HLA-DOA: variants seen among roughly 807,000 people sequenced by gnomAD.
HLA-DOA encodes the protein HLA class II histocompatibility antigen, DO alpha chain.
HLA-DOA carries 27 observed loss-of-function variants against 22.9 expected under a neutral mutation model. That is an observed-to-expected ratio of 1.18 (90% CI 0.87 to 1.62). HLA-DOA has a LOEUF of 1.62. HLA-DOA is among the 40% of genes most tolerant of loss of function. The pLI is 0.00. For synonymous variants in HLA-DOA, 137 were observed against 138.6 expected (o/e 0.99, Z 0.08); for missense variants, 324 against 332.4 (o/e 0.97, Z 0.20).
chr6:33,004,929 T>C lies in HLA-DOA; in HGVS notation c.*1909A>G, dbSNP rs919919455. On this transcript the variant is annotated 3_prime_UTR_variant, in exon 5 of 5. Transcript: ENST00000229829. ...AACTTATTCTCTCTTAAGAAGCCCA[T>C]TGAGTCCCCATAATCTCTTGGTTTC... 1.3e-5 allele frequency: 2 copies of C among 152,252 alleles called. No homozygotes were observed. The highest frequency in any genetic ancestry group is 2.1e-4 in the South Asian group (1 of 4,832). The allele number at this position is 152,252 out of a possible 1,614,324, so 9.4% of individuals were successfully genotyped here.
At chr6:33,008,696 G>A (rs1218892984) in intron 1 of HLA-DOA, among the ~76,000 whole-genome samples, 1 of 152,112 alleles carries the variant, frequency 6.6e-6, no homozygotes, top group Non-Finnish European at 1.5e-5. Flanking sequence ...GGTGTGAGGG[G>A]AAACAGGCCA....
Position 33,006,460 on chromosome 6 carries a change from G to A in HLA-DOA, c.*378C>T, listed in dbSNP as rs1780811138. The A allele has an allele frequency of 1.5e-5, 6 of 402,190 alleles. No homozygotes were observed. The highest frequency in any genetic ancestry group is 8.3e-5 in the East Asian group (2 of 24,072). The allele number at this position is 402,190 out of a possible 1,614,324, so 24.9% of individuals were successfully genotyped here. ...CAAAGTAACACACAATGGGCCAAATGGAGCAAGACACACCTGTGTGGGCCC... is the reference window on the plus strand; with the variant it reads ...CAAAGTAACACACAATGGGCCAAATAGAGCAAGACACACCTGTGTGGGCCC... On this transcript the variant is annotated 3_prime_UTR_variant, in exon 5 of 5. Transcript: ENST00000229829.
chr6:33,005,281 C>G lies in HLA-DOA; in HGVS notation c.*1557G>C, dbSNP rs1780764787. The G allele has an allele frequency of 6.6e-6, 1 of 152,320 alleles. No individual in the cohort carries two copies. Among genetic ancestry groups the G allele is most frequent in the Non-Finnish European group, 1.5e-5 (1 of 68,152 alleles). 9.4% of individuals were successfully genotyped at this position (152,320 alleles called of 1,614,324 possible). Reference sequence around the variant, plus strand: ...AGGGAAGGTGGGTGGATCACGAGGTCAAGAGATGGAGGCCATCCTGGCCAA... The same window carrying G: ...AGGGAAGGTGGGTGGATCACGAGGTGAAGAGATGGAGGCCATCCTGGCCAA... On this transcript the variant is annotated 3_prime_UTR_variant, in exon 5 of 5. Transcript: ENST00000229829.
chr6:33,007,462 GAC>G lies in HLA-DOA; in HGVS notation c.460_461del (p.Val154HisfsTer2), dbSNP rs754491019. ...AGCTGGTCTGGGCCACTCCCTCAGTGACAGTTTGGCCGTTGCGCAGCCAGGTG... is the reference window on the plus strand; with the variant it reads ...AGCTGGTCTGGGCCACTCCCTCAGTGAGTTTGGCCGTTGCGCAGCCAGGTG... ...NITWLRNGQT[V>X]TEGVAQTSFY... On this transcript the variant is annotated frameshift_variant, in exon 3 of 5. Transcript: ENST00000229829. LOFTEE classifies it high-confidence loss of function. 1 of 1,612,032 alleles carries G rather than the reference GAC, an allele frequency of 6.2e-7. No individual in the cohort carries two copies. Among genetic ancestry groups the G allele is most frequent in the South Asian group, 1.1e-5 (1 of 90,868 alleles).
In HLA-DOA at chr6:33,008,083, G is replaced by C. The variant is rs762411367; in HGVS notation, c.261C>G (p.Ala87=). The C allele has an allele frequency of 1.9e-6, 3 of 1,613,056 alleles. No individual in the cohort carries two copies. The change falls in exon 2 of 5, where the codon GCC becomes GCG. Residue 87 remains alanine, a synonymous_variant. Transcript: ENST00000229829. Reference sequence around the variant, plus strand: ...GATGGGCTTTGATTGCGGCGATGCCGGCCAGCCCGCCCTGCGGGTCAAAGC... The same window carrying C: ...GATGGGCTTTGATTGCGGCGATGCCCGCCAGCCCGCCCTGCGGGTCAAAGC... ...FARFDPQGGL[A]GIAAIKAHLD...
In HLA-DOA at chr6:33,007,136, GC is replaced by G. The variant is rs1351647296; in HGVS notation, c.692del (p.Gly231AlafsTer50). ...TGATGAGGACGGTGCCCACGAGGAA[GC>G]CCACCAGGCCGATGGCCAGGCCCAG... The part of the protein sequence containing the change: ...CALGLAIGLV[G>X]FLVGTVLIIM... On this transcript the variant is annotated frameshift_variant, in exon 4 of 5. Coordinates refer to ENST00000229829, the MANE Select transcript of HLA-DOA (RefSeq NM_002119.4). LOFTEE classifies it high-confidence loss of function. 2 of 1,613,806 alleles carry G rather than the reference GC, an allele frequency of 1.2e-6. No homozygotes were observed. Among genetic ancestry groups the G allele is most frequent in the African/African-American group, 2.7e-5 (2 of 74,944 alleles).
Position 33,006,824 on chromosome 6 carries a change from T to C in HLA-DOA, c.*14A>G, listed in dbSNP as rs1268714790. The C allele has an allele frequency of 5.0e-6, 8 of 1,612,646 alleles. No individual in the cohort carries two copies. Among genetic ancestry groups the C allele is most frequent in the Non-Finnish European group, 5.9e-6 (7 of 1,179,766 alleles). ...CAGGGTGTCTCCCACAAGTCATTTC[T>C]CTCAGAAGGATCATTACCTAAAATA... On this transcript the variant is annotated 3_prime_UTR_variant, in exon 5 of 5. Transcript: ENST00000229829.
chr6:33,007,291 A>C lies in HLA-DOA; in HGVS notation c.613+20T>G, dbSNP rs202002238. 7 of 1,613,118 alleles carry C rather than the reference A, an allele frequency of 4.3e-6. No homozygotes were observed. Among genetic ancestry groups the C allele is most frequent in the Non-Finnish European group, 5.1e-6 (6 of 1,179,994 alleles). On this transcript the variant is annotated intron_variant, in intron 3 of 4. Coordinates refer to ENST00000229829, the MANE Select transcript of HLA-DOA (RefSeq NM_002119.4). Reference sequence around the variant, plus strand: ...AGGAAACCTGGGGCCAGGAGGGTGCATGGGGAGGGGGCTCCGTACCCCAAT... The same window carrying C: ...AGGAAACCTGGGGCCAGGAGGGTGCCTGGGGAGGGGGCTCCGTACCCCAAT...
rs766359854 is a variant in HLA-DOA at position 33,007,541 on chromosome 6, G to A, written c.383C>T (p.Pro128Leu). 1 of 1,612,972 alleles carries A rather than the reference G, an allele frequency of 6.2e-7. No individual in the cohort carries two copies. The highest frequency in any genetic ancestry group is 1.7e-5 in the Admixed American group (1 of 59,990). ...GTCCACGATGCAGATGAGGATGTTG[G>A]GCTGGCCCAGCTCCACCCGAGACTT... is the stretch of plus-strand genomic sequence containing the variant. Reference protein sequence around the residue: ...LPKSRVELGQPNILICIVDNI... With the variant: ...LPKSRVELGQLNILICIVDNI... Residue 128 changes from proline (P) to leucine (L), a missense_variant, in exon 3 of 5, where the codon CCC becomes CTC. By Grantham distance (98) the Pro-to-Leu change is moderately conservative. Transcript: ENST00000229829.
At position 33,004,598 on chromosome 6, in the gene HLA-DOA, ACAGT is replaced by A. The variant is rs1582978456; in HGVS notation, c.*2236_*2239del. 3 of 152,350 alleles carry A rather than the reference ACAGT, an allele frequency of 2.0e-5. No homozygotes were observed. The South Asian group carries it at 6.2e-4, about 32-fold the overall frequency. 9.4% of individuals were successfully genotyped at this position (152,350 alleles called of 1,614,324 possible). A position where few individuals can be genotyped will look rare whatever the true frequency, so the allele number is the denominator to read the frequency against. ...CGGGTGGACATGTTCACTGAGAAGG[ACAGT>A]CAGTCCACAGAGAGAGAACACCGCT... On this transcript the variant is annotated 3_prime_UTR_variant, in exon 5 of 5. Coordinates refer to ENST00000229829, the MANE Select transcript of HLA-DOA (RefSeq NM_002119.4).
Position 33,008,252 on chromosome 6 carries a change from A to G in HLA-DOA, c.92T>C (p.Met31Thr). ...GTAGAAGGCGGGTCCGTAGGAGCCC[A>G]TGTGGTCAGCTGTGTTTGGCGAGTT... ...QEAGATKADH[M>T]GSYGPAFYQS... Residue 31 changes from methionine (M) to threonine (T), a missense_variant, in exon 2 of 5, where the codon ATG becomes ACG. By Grantham distance (81) the Met-to-Thr change is moderately conservative. Coordinates refer to ENST00000229829, the MANE Select transcript of HLA-DOA (RefSeq NM_002119.4). 6.2e-7 allele frequency: 1 copy of G among 1,612,862 alleles called. No homozygotes were observed. The highest frequency in any genetic ancestry group is 8.5e-7 in the Non-Finnish European group (1 of 1,179,990).
chr6:33,009,433 C>T lies in HLA-DOA; in HGVS notation c.82+22G>A, dbSNP rs772374522. 5 of 1,546,316 alleles carry T rather than the reference C, an allele frequency of 3.2e-6. No individual in the cohort carries two copies. The highest frequency in any genetic ancestry group is 3.5e-6 in the Non-Finnish European group (4 of 1,144,842). On this transcript the variant is annotated intron_variant, in intron 1 of 4. Coordinates refer to ENST00000229829, the MANE Select transcript of HLA-DOA (RefSeq NM_002119.4). This position sits in a 1 kb window ranked among gnomAD's most constrained non-coding sequence, Gnocchi z 4.8. ...CCGTAAATCTCTGCTCCCCGCCGCA[C>T]CCTCCTCGCCCTCGCACTCACCCTT...
At chr6:33,007,869 T>A in intron 2 of HLA-DOA, 144 bp downstream of exon 2, 1 of 1,185,434 alleles carries the variant, frequency 8.4e-7, no homozygotes, top group South Asian at 1.5e-5. Flanking sequence ...TGGGAAGACC[T>A]GGAGCCTCCT....
At position 33,006,304 on chromosome 6, in the gene HLA-DOA, C is replaced by T. The variant is rs417812; in HGVS notation, c.*534G>A. On this transcript the variant is annotated 3_prime_UTR_variant, in exon 5 of 5. Coordinates refer to ENST00000229829, the MANE Select transcript of HLA-DOA (RefSeq NM_002119.4). ...GGAGTGGAGTCCCCATGAGCCTGTC[C>T]TGTCCCAGCACCCTTCAGAACTGTT... The T allele has an allele frequency of 0.4, 68,073 of 171,888 alleles. 13,932 individuals carry two copies. The highest frequency in any genetic ancestry group is 0.56 in the East Asian group (3,658 of 6,480). 10.6% of individuals were successfully genotyped at this position (171,888 alleles called of 1,614,324 possible). A position where few individuals can be genotyped will look rare whatever the true frequency, so the allele number is the denominator to read the frequency against.
Position 33,006,703 on chromosome 6 carries a change from G to A in HLA-DOA, c.*135C>T, listed in dbSNP as rs762182579. ...ACTGGGGCCAAAAAAGAGGGGACCC[G>A]TAGGACAGATGTTGATCCCACTCAA... is the stretch of plus-strand genomic sequence containing the variant. On this transcript the variant is annotated 3_prime_UTR_variant, in exon 5 of 5. Transcript: ENST00000229829. 12 of 1,426,508 alleles carry A rather than the reference G, an allele frequency of 8.4e-6. No individual in the cohort carries two copies. Among genetic ancestry groups the A allele is most frequent in the South Asian group, 2.3e-5 (2 of 86,684 alleles). 88.4% of individuals were successfully genotyped at this position (1,426,508 alleles called of 1,614,324 possible).
At position 33,007,402 on chromosome 6, in the gene HLA-DOA, G is replaced by A. The variant is rs779331696; in HGVS notation, c.522C>T (p.Phe174=). ...CTGAGGGCACGAAGGGCAGGTAGTG[G>A]AACTTGCGGAACAAATGGTCAGGCT... ...YSQPDHLFRK[F]HYLPFVPSAE... The change falls in exon 3 of 5, where the codon TTC becomes TTT. Residue 174 remains phenylalanine, a synonymous_variant. Transcript: ENST00000229829. The A allele has an allele frequency of 6.2e-7, 1 of 1,604,906 alleles. No homozygotes were observed. The highest frequency in any genetic ancestry group is 1.3e-5 in the African/African-American group (1 of 75,000).
rs780308443 is a variant in HLA-DOA at position 33,007,390 on chromosome 6, G to A, written c.534C>T (p.Pro178=). The A allele has an allele frequency of 2.5e-6, 4 of 1,605,452 alleles. No homozygotes were observed. Among genetic ancestry groups the A allele is most frequent in the South Asian group, 2.2e-5 (2 of 90,038 alleles). The change falls in exon 3 of 5, where the codon CCC becomes CCT. Residue 178 remains proline, a synonymous_variant. Coordinates refer to ENST00000229829, the MANE Select transcript of HLA-DOA (RefSeq NM_002119.4). Reference sequence around the variant, plus strand: ...AGACGTCCTCGGCTGAGGGCACGAAGGGCAGGTAGTGGAACTTGCGGAACA... The same window carrying A: ...AGACGTCCTCGGCTGAGGGCACGAAAGGCAGGTAGTGGAACTTGCGGAACA... ...DHLFRKFHYL[P]FVPSAEDVYD...
Position 33,007,606 on chromosome 6 carries a change from G to A in HLA-DOA, c.332-14C>T. On this transcript the variant is annotated splice_polypyrimidine_tract_variant and intron_variant, in intron 2 of 4. Coordinates refer to ENST00000229829, the MANE Select transcript of HLA-DOA (RefSeq NM_002119.4). ...CCCGTGGAGGCACTAGGAGGAACAG[G>A]CCCTGAGTCCACAGGCTCATCCCTC... is the stretch of plus-strand genomic sequence containing the variant. The A allele has an allele frequency of 1.2e-6, 2 of 1,603,074 alleles. No individual in the cohort carries two copies. The highest frequency in any genetic ancestry group is 1.3e-5 in the African/African-American group (1 of 74,906).
chr6:33,008,271 G>C lies in HLA-DOA; in HGVS notation c.83-10C>G. ...GAGCCCATGTGGTCAGCTGTGTTTG[G>C]CGAGTTCAGGGTCAAGGAGAGAGAA... On this transcript the variant is annotated splice_polypyrimidine_tract_variant and intron_variant, in intron 1 of 4. Coordinates refer to ENST00000229829, the MANE Select transcript of HLA-DOA (RefSeq NM_002119.4). 6.2e-7 allele frequency: 1 copy of C among 1,611,948 alleles called. No individual in the cohort carries two copies. The highest frequency in any genetic ancestry group is 1.7e-4 in the Middle Eastern group (1 of 6,058).
Sources: allele counts gnomAD v4.1 joint callset (sites outside exome capture counted in the v4.1 genomes callset), GRCh38; gene constraint gnomAD v4.1.1; non-coding constraint Gnocchi (gnomAD v3.1); transcripts MANE v1.5; gene names NCBI Gene and HGNC (gene_info 2026-07-23, HGNC 2026-07-21).